The following ICE2 variants were observed in gnomAD, a reference collection of about 807,000 sequenced individuals.
ICE2 encodes little elongation complex subunit 2.
In ICE2, 87 loss-of-function variants were observed where a neutral mutation model predicts 105.4. That is an observed-to-expected ratio of 0.83 (90% CI 0.69 to 0.99). The LOEUF (loss-of-function observed/expected upper bound fraction) is 0.99. Ranked by LOEUF, ICE2 falls within the 50% of genes least tolerant of loss-of-function variation. ICE2 has a pLI of 0.00. For missense variants in ICE2, 1,323 were observed against 1,146.7 expected (o/e 1.15, Z -2.22); for synonymous variants, 399 against 392.0 (o/e 1.02, Z -0.21).
Position 60,458,133 on chromosome 15 carries a change from C to T in ICE2, c.529-1339G>A, listed in dbSNP as rs529258150. Among the ~76,000 whole-genome samples, 6 of 152,178 alleles carry T rather than the reference C, an allele frequency of 3.9e-5. No homozygotes were observed. The East Asian group carries it at 5.8e-4, about 15-fold the overall frequency. The stretch of plus-strand genomic sequence containing the variant: ...ATACTCTGATACATTATACAATTAT[C>T]GAAGTATTTTACAACTGGTAGGTAT... On this transcript the variant is annotated intron_variant, in intron 5 of 15. Coordinates refer to ENST00000261520, the MANE Select transcript of ICE2 (RefSeq NM_024611.6).
chr15:60,478,211 T>C (rs947195817), intron 1 of ICE2, 142 bp from the exon 2 acceptor site: 3 of 562,846 alleles, frequency 5.3e-6, no homozygotes, highest in East Asian at 2.9e-5. Flanking sequence ...CCAAGGTTCT[T>C]TGTAGCAGAG....
intron 11 of ICE2, among the ~76,000 whole-genome samples, chr15:60,447,238 G>T (rs1361757565): frequency 6.6e-6 from 1 of 152,140 alleles, no homozygotes; most frequent in Non-Finnish European, 1.5e-5. Context: ...GTTCTACTTG[G>T]ACTTCTAAAG....
intron 5 of ICE2, among the ~76,000 whole-genome samples, chr15:60,464,705 G>A (rs1182531590): frequency 2.0e-5 from 3 of 152,088 alleles, no homozygotes; most frequent in African/African-American, 7.2e-5. Context: ...GGAGGGGAGA[G>A]ATCATGCAGG....
chr15:60,453,468 C>T (rs2064016204), intron 9 of ICE2, 135 bp downstream of exon 9: 5 of 1,428,006 alleles, frequency 3.5e-6, no homozygotes, highest in Non-Finnish European at 4.6e-6. Context: ...TCCAGCTAGA[C>T]TCGAAATTCA....
Position 60,468,336 on chromosome 15 carries a change from T to A in ICE2, c.147-14A>T. 1 of 1,581,082 alleles carries A rather than the reference T, an allele frequency of 6.3e-7. No individual in the cohort carries two copies. The highest frequency in any genetic ancestry group is 8.6e-7 in the Non-Finnish European group (1 of 1,157,470). On this transcript the variant is annotated splice_polypyrimidine_tract_variant and intron_variant, in intron 3 of 15. Coordinates refer to ENST00000261520, the MANE Select transcript of ICE2 (RefSeq NM_024611.6). Reference sequence around the variant, plus strand: ...TCTCCTATACGTCTGGAAAACAAAATATAATTTACAAATATGTGCTTTTCA... The same window carrying A: ...TCTCCTATACGTCTGGAAAACAAAAAATAATTTACAAATATGTGCTTTTCA...
At chr15:60,440,570 T>A (rs1315317683) in intron 12 of ICE2, 2 of 152,130 alleles carry the variant, frequency 1.3e-5, no homozygotes, top group Non-Finnish European at 2.9e-5. Context: ...ATTCTCAAAG[T>A]GTGGTCCCTA....
chr15:60,442,651 T>G, intron 11 of ICE2, 106 bp from the exon 12 acceptor site: 1 of 815,884 alleles, frequency 1.2e-6, no homozygotes, highest in Non-Finnish European at 1.9e-6. Flanking sequence ...TCAGGTAATC[T>G]TATTTCATCC....
At chr15:60,472,940 T>A (rs906476129) in intron 3 of ICE2, among the ~76,000 whole-genome samples, 4 of 152,142 alleles carry the variant, frequency 2.6e-5, no homozygotes, top group Middle Eastern at 3.2e-3. Flanking sequence ...TGTTTTTTTT[T>A]AATTTGAGAT....
rs199727296 is a variant in ICE2, at chr15:60,423,709, T to C, written c.2874A>G (p.Glu958=). ...GAGCAGGCAAGCAACTGCTTTTGGT[T>C]TCCATGGAAACTGGATTCCTGTGGC... The part of the protein sequence containing the change: ...TRSHRNPVSM[E]TKSSCLPAQQ... Residue 958 remains glutamate (E), a synonymous_variant, in exon 16 of 16, where the codon GAA becomes GAG. Coordinates refer to ENST00000261520, the MANE Select transcript of ICE2 (RefSeq NM_024611.6). 174 of 1,602,614 alleles carry C rather than the reference T, an allele frequency of 1.1e-4. 1 individual carries two copies. In the East Asian group the frequency reaches 3.6e-3, roughly 33 times the overall value.
intron 11 of ICE2, among the ~76,000 whole-genome samples, chr15:60,446,002 C>G (rs2141049196): frequency 6.6e-6 from 1 of 152,174 alleles, no homozygotes; most frequent in East Asian, 1.9e-4. Context: ...GAAAAATTAG[C>G]AAATAAAGTC....
Position 60,422,990 on chromosome 15 carries a change from C to G in ICE2, c.*644G>C, listed in dbSNP as rs1353571509. ...ATCTAGAGATAGAGGCATCTGTCAT[C>G]AAACATGTTATACCACCAAATTTTT... On this transcript the variant is annotated 3_prime_UTR_variant, in exon 16 of 16. Transcript: ENST00000261520. The G allele has an allele frequency of 6.6e-6, 1 of 152,606 alleles. No individual in the cohort carries two copies. Among genetic ancestry groups the G allele is most frequent in the African/African-American group, 2.4e-5 (1 of 41,460 alleles). The allele number at this position is 152,606 out of a possible 1,614,324, so 9.5% of individuals were successfully genotyped here. A position where few individuals can be genotyped will look rare whatever the true frequency, so the allele number is the denominator to read the frequency against.
rs545896210 is a variant in ICE2, at chr15:60,466,322, T to G, written c.528+272A>C. Among the ~76,000 whole-genome samples, 161 of 152,344 alleles carry G rather than the reference T, an allele frequency of 1.1e-3. 1 individual carries two copies. Among genetic ancestry groups the G allele is most frequent in the Non-Finnish European group, 2.4e-4 (16 of 68,032 alleles). On this transcript the variant is annotated intron_variant, in intron 5 of 15. Transcript: ENST00000261520. ...TTCTCTCACAAGGGAAGTCAGTGGG[T>G]CAGTTCAAACTATTATGTGAATAAA...
At chr15:60,432,354 A>AT (rs979285351) in intron 13 of ICE2, among the ~76,000 whole-genome samples, 13 of 151,310 alleles carry the variant, frequency 8.6e-5, no homozygotes, top group Non-Finnish European at 1.8e-4. Context: ...CACCAGGCTG[A>AT]TTTTTTTGTA....
chr15:60,458,497 A>G (rs1245391899), intron 5 of ICE2, among the ~76,000 whole-genome samples: 2 of 152,202 alleles, frequency 1.3e-5, no homozygotes, highest in African/African-American at 4.8e-5. Context: ...AGGAGAAACT[A>G]GAGCAGTGAG....
chr15:60,449,917 G>T, intron 9 of ICE2, 76 bp from the exon 10 acceptor site: 1 of 1,004,238 alleles, frequency 1.0e-6, no homozygotes, highest in Non-Finnish European at 1.5e-6. Context: ...CCCTATCCCT[G>T]TCATACATAC....
chr15:60,463,152 G>A (rs1050903910), intron 5 of ICE2, among the ~76,000 whole-genome samples: 1 of 152,178 alleles, frequency 6.6e-6, no homozygotes, highest in Non-Finnish European at 1.5e-5. Context: ...TAGATGAGGT[G>A]TATGCATCTT....
chr15:60,430,210 G>A (rs1343264866), intron 14 of ICE2, among the ~76,000 whole-genome samples: 1 of 152,212 alleles, frequency 6.6e-6, no homozygotes, highest in African/African-American at 2.4e-5. Flanking sequence ...AGATGCGACT[G>A]TACAACTCCA....
chr15:60,434,692 T>C (rs1042580079), intron 13 of ICE2, among the ~76,000 whole-genome samples: 4 of 152,086 alleles, frequency 2.6e-5, no homozygotes, highest in Non-Finnish European at 4.4e-5. Context: ...CAATCATATG[T>C]AGAAGCTAAA....
chr15:60,463,946 G>C (rs1227268400), intron 5 of ICE2, among the ~76,000 whole-genome samples: 1 of 152,178 alleles, frequency 6.6e-6, no homozygotes, highest in Non-Finnish European at 1.5e-5. Flanking sequence ...GGGGGCTTCT[G>C]AATTACTGGC....
Sources: allele counts gnomAD v4.1 joint callset (sites outside exome capture counted in the v4.1 genomes callset), GRCh38; gene constraint gnomAD v4.1.1; transcripts MANE v1.5; gene names NCBI Gene and HGNC (gene_info 2026-07-23, HGNC 2026-07-21).